The following TTN variants were observed in gnomAD, a reference collection of about 807,000 sequenced individuals.
The protein encoded by TTN is connectin.
TTN carries 1,525 observed loss-of-function variants against 3,223.0 expected under a neutral mutation model. The observed-to-expected ratio is 0.47, with a 90% confidence interval of 0.45 to 0.49. TTN has a LOEUF of 0.49. Among genes scored for constraint, TTN ranks in the 20% least tolerant of loss-of-function variants. The pLI, the probability that TTN is intolerant of heterozygous loss-of-function variation, is 0.00. For synonymous variants in TTN, 14,094 were observed against 15,161.0 expected, an observed-to-expected ratio of 0.93 and a Z score of 5.17; for missense variants, 40,786 against 43,424.0, an observed-to-expected ratio of 0.94 and a Z score of 5.40.
intron 212 of TTN, 55 bp downstream of exon 212, chr2:178,649,499 A>C (rs2062574402): frequency 2.7e-6 from 4 of 1,507,730 alleles, no homozygotes; most frequent in Non-Finnish European, 3.6e-6. Context: ...ATTGGATTCC[A>C]CTTTAAGATA....
chr2:178,751,793 G>C lies in TTN; in HGVS notation c.11311+1331C>G, dbSNP rs1208388414. On this transcript the variant is annotated intron_variant, in intron 47 of 362. Transcript: ENST00000589042. ...GATGGGCCGATTGTTATGAAACCAA[G>C]TCATTTCTGGAGTTGGACAGGCAAT... 1.2e-6 allele frequency: 2 copies of C among 1,613,054 alleles called. No homozygotes were observed. The highest frequency in any genetic ancestry group is 2.2e-5 in the South Asian group (2 of 91,010).
chr2:178,751,049 A>G, intron 47 of TTN: 1 of 1,612,812 alleles, frequency 6.2e-7, no homozygotes, highest in Non-Finnish European at 8.5e-7. Flanking sequence ...CTCAGATTCT[A>G]TATTTTGATC....
Position 178,631,088 on chromosome 2 carries a change from G to C in TTN, c.43960C>G (p.Gln14654Glu). The change falls in exon 237 of 363, where the codon CAG (glutamine) becomes GAG (glutamate). Residue 14654 changes from glutamine to glutamate, a missense_variant. Physicochemically the swap from Gln to Glu is conservative, Grantham distance 29. Coordinates refer to ENST00000589042, the MANE Select transcript of TTN (RefSeq NM_001267550.2). ...LKKALKSDIG[Q>E]YTCDCGTDKT... ...TCTGTCCCACAGTCACAGGTGTACT[G>C]TCCAATATCTGATTTCAAGGCTTTC... 1 of 1,613,368 alleles carries C rather than the reference G, an allele frequency of 6.2e-7. No individual in the cohort carries two copies. The highest frequency in any genetic ancestry group is 1.1e-5 in the South Asian group (1 of 91,074).
Position 178,718,441 on chromosome 2 carries a change from G to C in TTN, c.24665C>G (p.Thr8222Arg). ...AATTTCCAGTATGGTAGATTTTTCT[G>C]TCATAGTAATACTGCATCTCTCAGA... ...SQSERCSITM[T>R]EKSTILEILE... The change falls in exon 85 of 363, where the codon ACA becomes AGA. Residue 8222 changes from threonine to arginine, a missense_variant. Coordinates refer to ENST00000589042, the MANE Select transcript of TTN (RefSeq NM_001267550.2). 1 of 1,613,718 alleles carries C rather than the reference G, an allele frequency of 6.2e-7. No individual in the cohort carries two copies. The highest frequency in any genetic ancestry group is 8.5e-7 in the Non-Finnish European group (1 of 1,179,742).
chr2:178,639,808 G>A lies in TTN; in HGVS notation c.40787-20C>T, dbSNP rs771157322. ...TCACTTCTGTAGAGAGAAGTCCATT[G>A]CATTAGTGTATCAATTTGTCACTTC... On this transcript the variant is annotated intron_variant, in intron 222 of 362. Transcript: ENST00000589042. 58 of 1,553,538 alleles carry A rather than the reference G, an allele frequency of 3.7e-5. No homozygotes were observed. In the East Asian group the frequency reaches 1.0e-3, roughly 27 times the overall value.
intron 222 of TTN, 79 bp downstream of exon 222, chr2:178,639,969 A>G (rs947882802): frequency 6.5e-7 from 1 of 1,540,924 alleles, no homozygotes; most frequent in African/African-American, 1.4e-5. Context: ...ACTTTCACCT[A>G]CTATCTTTTA....
Position 178,542,501 on chromosome 2 carries a change from T to C in TTN, c.97255A>G (p.Ile32419Val), listed in dbSNP as rs746131466. ...TCCAATTCAGGTGGTTCCCAGGAAATGGTAATTGATGTAGCATCAATTTCA... is the reference window on the plus strand; with the variant it reads ...TCCAATTCAGGTGGTTCCCAGGAAACGGTAATTGATGTAGCATCAATTTCA... ...IDEIDATSIT[I>V]SWEPPELDGG... is the part of the protein sequence containing the mutation. Residue 32419 changes from isoleucine (I) to valine (V), a missense_variant, in exon 349 of 363, where the codon ATT (isoleucine) becomes GTT (valine). Physicochemically the swap from Ile to Val is conservative, Grantham distance 29. Transcript: ENST00000589042. 1.2e-6 allele frequency: 2 copies of C among 1,612,656 alleles called. No individual in the cohort carries two copies. The highest frequency in any genetic ancestry group is 1.7e-6 in the Non-Finnish European group (2 of 1,178,846).
rs987790937 is a variant in TTN, at chr2:178,535,827, A to G, written c.100788T>C (p.Pro33596=). The G allele has an allele frequency of 6.3e-7, 1 of 1,591,284 alleles. No individual in the cohort carries two copies. The highest frequency in any genetic ancestry group is 1.4e-5 in the African/African-American group (1 of 73,992). The stretch of plus-strand genomic sequence containing the variant: ...CTGCTCCCATGCCTTCAAGAGTTTT[A>G]GGTAAGTGTATCTTAGCTGGAACTG... ...EVEVPAKIHL[P]KTLEGMGAVH... The change falls in exon 358 of 363, where the codon CCT becomes CCC. Residue 33596 remains proline (P), a synonymous_variant. Coordinates refer to ENST00000589042, the MANE Select transcript of TTN (RefSeq NM_001267550.2).
rs2154292514 is a variant in TTN, at chr2:178,706,745, G to A, written c.29135-6C>T. 1 of 1,602,934 alleles carries A rather than the reference G, an allele frequency of 6.2e-7. No homozygotes were observed. Among genetic ancestry groups the A allele is most frequent in the Non-Finnish European group, 8.5e-7 (1 of 1,175,000 alleles). On this transcript the variant is annotated splice_region_variant and splice_polypyrimidine_tract_variant and intron_variant, in intron 101 of 362. Transcript: ENST00000589042. ...AATGAAGGTCGCAGTGGTTTCTAAG[G>A]AATAATGAAAACAAGTGAATAAAAA... is the stretch of plus-strand genomic sequence containing the variant.
intron 47 of TTN, chr2:178,745,472 T>C: frequency 6.6e-7 from 1 of 1,522,222 alleles, no homozygotes; most frequent in African/African-American, 1.4e-5. Context: ...TCCAAGGTAA[T>C]GAATTCAAAT....
In TTN at chr2:178,694,409, A is replaced by G. The variant is rs2073186802; in HGVS notation, c.31426+190T>C. The stretch of plus-strand genomic sequence containing the variant: ...AAAAATGTAATTTTTAAGCAGAACT[A>G]GAAACAAAGTAGATAATGTTACTAT... On this transcript the variant is annotated intron_variant, in intron 117 of 362. Coordinates refer to ENST00000589042, the MANE Select transcript of TTN (RefSeq NM_001267550.2). 5 of 499,642 alleles carry G rather than the reference A, an allele frequency of 1.0e-5. No homozygotes were observed. In the South Asian group the frequency reaches 2.1e-4, roughly 21 times the overall value. 31.0% of individuals were successfully genotyped at this position (499,642 alleles called of 1,614,324 possible). A position where few individuals can be genotyped will look rare whatever the true frequency, so the allele number is the denominator to read the frequency against.
intron 47 of TTN, chr2:178,744,934 A>G: frequency 3.0e-6 from 3 of 985,332 alleles, no homozygotes; most frequent in Non-Finnish European, 3.6e-6. Context: ...CCTTGAAGCC[A>G]GTGAGAATTA....
At position 178,531,402 on chromosome 2, in the gene TTN, A is replaced by G; in HGVS notation, c.105213T>C (p.Ser35071=). 1 of 1,613,978 alleles carries G rather than the reference A, an allele frequency of 6.2e-7. No homozygotes were observed. The highest frequency in any genetic ancestry group is 8.5e-7 in the Non-Finnish European group (1 of 1,179,886). The part of the protein sequence containing the change: ...AYAVSSFKKT[S]EMEASSSVRE... ...TGACAGAAGACGAAGCTTCCATCTC[A>G]GATGTTTTCTTAAATGATGAAACAG... The change falls in exon 358 of 363, where the codon TCT becomes TCC. Residue 35071 remains serine (S), a synonymous_variant. Transcript: ENST00000589042.
chr2:178,676,627 A>G (rs1488916955), intron 147 of TTN, among the ~76,000 whole-genome samples: 4 of 151,682 alleles, frequency 2.6e-5, no homozygotes, highest in Non-Finnish European at 5.9e-5. Context: ...AGCATCCCCA[A>G]TTTACAGGAA....
chr2:178,783,345 C>T (rs893976375), intron 17 of TTN, among the ~76,000 whole-genome samples: 6 of 152,154 alleles, frequency 3.9e-5, no homozygotes, highest in Admixed American at 1.3e-4. Context: ...GATTCTCCTT[C>T]TGTTGTGATG....
At chr2:178,756,039 A>AATCT (rs1444102215) in intron 46 of TTN, among the ~76,000 whole-genome samples, 183 bp downstream of exon 46, 1 of 152,216 alleles carries the variant, frequency 6.6e-6, no homozygotes, top group Non-Finnish European at 1.5e-5. Context: ...CTAGACTGGT[A>AATCT]AGTTAAATTT....
chr2:178,636,496 T>C lies in TTN; in HGVS notation c.41231A>G (p.His13744Arg). The C allele has an allele frequency of 6.2e-7, 1 of 1,613,482 alleles. No individual in the cohort carries two copies. Among genetic ancestry groups the C allele is most frequent in the Non-Finnish European group, 8.5e-7 (1 of 1,179,586 alleles). ...FIADGKDRKL[H>R]IIDVQLSDAG... The stretch of plus-strand genomic sequence containing the variant: ...ATCGGAAAGTTGAACATCAATGATG[T>C]GCAGCTTTCTGTCTTTACCATCTGC... The change falls in exon 225 of 363, where the codon CAC becomes CGC. Residue 13744 changes from histidine (H) to arginine (R), a missense_variant. Coordinates refer to ENST00000589042, the MANE Select transcript of TTN (RefSeq NM_001267550.2). The surrounding 1 kb of genome is among the most constrained non-coding windows in gnomAD (Gnocchi z 4.3).
In TTN at chr2:178,634,811, T is replaced by G; in HGVS notation, c.42063A>C (p.Leu14021Phe). The G allele has an allele frequency of 6.2e-7, 1 of 1,612,566 alleles. No individual in the cohort carries two copies. Among genetic ancestry groups the G allele is most frequent in the South Asian group, 1.1e-5 (1 of 90,778 alleles). The change falls in exon 229 of 363, where the codon TTA becomes TTC. Residue 14021 changes from leucine to phenylalanine, a missense_variant. Transcript: ENST00000589042. The surrounding 1 kb of genome is among the most constrained non-coding windows in gnomAD (Gnocchi z 4.6). ...EIKAEGGKRFLTLHKVKLDQA... is the reference protein window; with the variant it reads ...EIKAEGGKRFFTLHKVKLDQA... ...GGTCCAGTTTGACTTTGTGCAAAGT[T>G]AAGAAGCGTTTTCCACCTTCTGCTT...
Position 178,601,063 on chromosome 2 carries a change from T to C in TTN, c.55841A>G (p.Tyr18614Cys). ...KNDGGSPVTHYIVECLAWDPT... is the reference protein window; with the variant it reads ...KNDGGSPVTHCIVECLAWDPT... The stretch of plus-strand genomic sequence containing the variant: ...GTCCCATGCAAGGCACTCAACAATA[T>C]AGTGGGTAACAGGGGAGCCCCCATC... Residue 18614 changes from tyrosine to cysteine, a missense_variant, in exon 288 of 363, where the codon TAT becomes TGT. By Grantham distance (194) the Tyr-to-Cys change is radical. Transcript: ENST00000589042. 6.2e-7 allele frequency: 1 copy of C among 1,612,494 alleles called. No individual in the cohort carries two copies. Among genetic ancestry groups the C allele is most frequent in the Non-Finnish European group, 8.5e-7 (1 of 1,179,058 alleles).
Sources: allele counts gnomAD v4.1 joint callset (sites outside exome capture counted in the v4.1 genomes callset), GRCh38; gene constraint gnomAD v4.1.1; non-coding constraint Gnocchi (gnomAD v3.1); transcripts MANE v1.5; gene names NCBI Gene and HGNC (gene_info 2026-07-23, HGNC 2026-07-21).